The following PDE4D variants were observed in gnomAD, a reference collection of about 807,000 sequenced individuals.
PDE4D encodes the protein 3',5'-cyclic-AMP phosphodiesterase 4D.
PDE4D carries 24 observed loss-of-function variants against 87.4 expected under a neutral mutation model. The observed-to-expected ratio is 0.27, with a 90% CI of 0.20 to 0.39. PDE4D has a LOEUF of 0.39. Ranked by LOEUF, PDE4D falls within the 10% of genes least tolerant of loss-of-function variation. The probability of loss-of-function intolerance (pLI) is 1.00; values close to 1 mark genes in which losing one functional copy is unlikely to be tolerated. For synonymous variants in PDE4D, 384 were observed against 383.2 expected (o/e 1.00, Z -0.02); for missense variants, 714 against 1,041.0 (o/e 0.69, Z 4.32).
intron 1 of PDE4D, among the ~76,000 whole-genome samples, chr5:60,485,958 G>T (rs909175935): frequency 1.3e-5 from 2 of 152,130 alleles, no homozygotes; most frequent in African/African-American, 4.8e-5. Context: ...AATTATATAG[G>T]CAGCTGATTA....
chr5:60,033,298 T>A (rs1390344611), intron 2 of PDE4D, among the ~76,000 whole-genome samples: 1 of 152,162 alleles, frequency 6.6e-6, no homozygotes, highest in African/African-American at 2.4e-5. Context: ...TCATCTCCAG[T>A]GTCTGATAAC....
chr5:59,216,599 C>A (rs1581429442), intron 1 of PDE4D: 1 of 154,422 alleles, frequency 6.5e-6, no homozygotes, highest in East Asian at 1.9e-4. Flanking sequence ...GTCAAAATTT[C>A]TTTGCCAGAC....
chr5:60,427,636 TAAGTA>T (rs1486861824), intron 1 of PDE4D, among the ~76,000 whole-genome samples: 1 of 152,242 alleles, frequency 6.6e-6, no homozygotes. Context: ...CTGGAAATGT[TAAGTA>T]AATTACTAAA....
intron 2 of PDE4D, among the ~76,000 whole-genome samples, chr5:60,104,889 T>C (rs1654200048): frequency 6.6e-6 from 1 of 152,022 alleles, no homozygotes; most frequent in African/African-American, 2.4e-5. Context: ...AGATCAAAAG[T>C]AGATAAAACC....
At chr5:60,131,261 T>C (rs926296928) in intron 2 of PDE4D, among the ~76,000 whole-genome samples, 2 of 152,186 alleles carry the variant, frequency 1.3e-5, no homozygotes, top group Admixed American at 1.3e-4. Context: ...CGTATTCTAG[T>C]ATGGGGCTGA....
chr5:60,418,564 T>A (rs1172871270), intron 1 of PDE4D, among the ~76,000 whole-genome samples: 1 of 152,090 alleles, frequency 6.6e-6, no homozygotes, highest in East Asian at 1.9e-4. Context: ...TCTTTTTGTC[T>A]TTTTTTGTAC....
At chr5:60,038,085 T>C (rs1478701744) in intron 2 of PDE4D, among the ~76,000 whole-genome samples, 1 of 152,180 alleles carries the variant, frequency 6.6e-6, no homozygotes, top group East Asian at 1.9e-4. Context: ...GCCTGTTCAC[T>C]CTGATGGTAG....
chr5:59,060,028 G>A (rs939249695), intron 5 of PDE4D, among the ~76,000 whole-genome samples: 7 of 152,118 alleles, frequency 4.6e-5, no homozygotes, highest in East Asian at 1.9e-4. Context: ...TGAATGAGTT[G>A]GTAGTAGAAG....
intron 1 of PDE4D, among the ~76,000 whole-genome samples, chr5:59,464,299 G>A (rs1466482541): frequency 6.6e-6 from 1 of 152,148 alleles, no homozygotes; most frequent in African/African-American, 2.4e-5. Flanking sequence ...CCCCTCCCTG[G>A]GCAATGGAAT....
intron 1 of PDE4D, among the ~76,000 whole-genome samples, chr5:59,508,359 C>A (rs549154593): frequency 1.3e-5 from 2 of 152,122 alleles, no homozygotes; most frequent in South Asian, 2.1e-4. Flanking sequence ...TGTATACTTG[C>A]GATATGTAAT....
intron 5 of PDE4D, among the ~76,000 whole-genome samples, chr5:59,114,410 T>C (rs565437171): frequency 2.2e-4 from 33 of 152,260 alleles, no homozygotes; most frequent in Admixed American, 1.4e-3. Context: ...GGCACAAATT[T>C]AGAGGAAAAG....
At chr5:59,758,044 A>G (rs2150761311) in intron 1 of PDE4D, among the ~76,000 whole-genome samples, 1 of 152,328 alleles carries the variant, frequency 6.6e-6, no homozygotes, top group South Asian at 2.1e-4. Flanking sequence ...TATAACTTCA[A>G]TACACATGCA....
At chr5:60,321,501 A>G (rs1756264388) in intron 1 of PDE4D, among the ~76,000 whole-genome samples, 1 of 152,198 alleles carries the variant, frequency 6.6e-6, no homozygotes, top group African/African-American at 2.4e-5. Flanking sequence ...ATTTCATGAC[A>G]AAGATGCCAA....
intron 1 of PDE4D, among the ~76,000 whole-genome samples, chr5:59,692,886 C>A (rs1751197634): frequency 6.6e-6 from 1 of 151,992 alleles, no homozygotes; most frequent in African/African-American, 2.4e-5. Flanking sequence ...GAATATTAAC[C>A]ATTTACATAA....
At chr5:59,489,415 T>C (rs1014032955) in intron 1 of PDE4D, among the ~76,000 whole-genome samples, 2 of 152,200 alleles carry the variant, frequency 1.3e-5, no homozygotes, top group African/African-American at 4.8e-5. Context: ...TCTTTCTTGA[T>C]ATATCAGAAT....
chr5:59,918,027 T>C (rs1204319700), intron 3 of PDE4D, among the ~76,000 whole-genome samples: 1 of 152,038 alleles, frequency 6.6e-6, no homozygotes, highest in Non-Finnish European at 1.5e-5. Flanking sequence ...TATAGTTTTA[T>C]ACTATACACA....
intron 2 of PDE4D, among the ~76,000 whole-genome samples, chr5:60,063,893 GA>G (rs1406609207): frequency 6.6e-6 from 1 of 152,006 alleles, no homozygotes; most frequent in Admixed American, 6.6e-5. Flanking sequence ...AGATGACAGT[GA>G]TACAGGTCAA....
chr5:59,188,170 C>T (rs1743358051), intron 3 of PDE4D, among the ~76,000 whole-genome samples: 1 of 152,154 alleles, frequency 6.6e-6, no homozygotes, highest in Non-Finnish European at 1.5e-5. Context: ...GCTCCTTTTA[C>T]AGTTGTCCTT....
At chr5:60,105,768 C>T (rs1313155029) in intron 2 of PDE4D, among the ~76,000 whole-genome samples, 1 of 152,110 alleles carries the variant, frequency 6.6e-6, no homozygotes, top group African/African-American at 2.4e-5. Context: ...AACTAAGCTT[C>T]ATAAGTGAAG....
Sources: gnomAD v4.1 joint callset for allele counts (sites outside exome capture counted in the v4.1 genomes callset) on GRCh38, gnomAD v4.1.1 for gene constraint, MANE v1.5 for transcripts, NCBI Gene and HGNC (gene_info 2026-07-23, HGNC 2026-07-21) for gene names.